Variants in ZFPM2 observed in about 807,000 individuals in gnomAD.
The protein encoded by ZFPM2 is zinc finger protein ZFPM2.
A neutral mutation model predicts 98.6 loss-of-function variants in ZFPM2; 20 were observed. The ratio of observed to expected loss-of-function variants is 0.20; its 90% CI spans 0.14 to 0.29. ZFPM2 has a LOEUF of 0.29. ZFPM2 is among the 10% of genes least tolerant of loss of function. The pLI is 1.00. For missense variants in ZFPM2, 1,310 were observed against 1,388.6 expected, an observed-to-expected ratio of 0.94 and a Z score of 0.90; for synonymous variants, 518 against 502.7, an observed-to-expected ratio of 1.03 and a Z score of -0.41.
chr8:105,587,093 G>A (rs1197698223), intron 4 of ZFPM2, among the ~76,000 whole-genome samples: 4 of 151,124 alleles, frequency 2.6e-5, no homozygotes, highest in Admixed American at 6.6e-5. Flanking sequence ...TGGCTAACAC[G>A]GTGAAACCCC....
At chr8:105,375,432 A>G (rs1301119536) in intron 1 of ZFPM2, among the ~76,000 whole-genome samples, 2 of 152,148 alleles carry the variant, frequency 1.3e-5, no homozygotes, top group Non-Finnish European at 2.9e-5. Flanking sequence ...GGAGAAAAGG[A>G]GAGGGAAGTG....
chr8:105,484,353 T>C (rs1813187024), intron 3 of ZFPM2, among the ~76,000 whole-genome samples: 1 of 152,096 alleles, frequency 6.6e-6, no homozygotes, highest in African/African-American at 2.4e-5. Flanking sequence ...TTAAGTCTAA[T>C]CAATTTTTCC....
chr8:105,336,364 T>G (rs1334495481), intron 1 of ZFPM2, among the ~76,000 whole-genome samples: 1 of 151,766 alleles, frequency 6.6e-6, no homozygotes, highest in African/African-American at 2.4e-5. Context: ...ATTATTAGTA[T>G]TTTTGAGGTC....
At chr8:105,795,246 T>TCGTG (rs1554582313) in intron 6 of ZFPM2, among the ~76,000 whole-genome samples, 2,815 of 138,308 alleles carry the variant, frequency 0.02, 40 homozygotes, top group Non-Finnish European at 0.027. Flanking sequence ...CATTTTATCT[T>TCGTG]TGTGTGTGTG....
intron 1 of ZFPM2, among the ~76,000 whole-genome samples, chr8:105,373,660 C>G (rs2129827738): frequency 6.6e-6 from 1 of 152,214 alleles, no homozygotes; most frequent in South Asian, 2.1e-4. Context: ...TAATGCCTAA[C>G]TGCATATTCA....
chr8:105,480,028 G>C (rs1310676691), intron 3 of ZFPM2, among the ~76,000 whole-genome samples: 1 of 152,188 alleles, frequency 6.6e-6, no homozygotes, highest in Non-Finnish European at 1.5e-5. Context: ...AATAGTGGTA[G>C]GTAACCACTA....
chr8:105,406,372 C>T (rs1320838992), intron 1 of ZFPM2, among the ~76,000 whole-genome samples: 1 of 151,962 alleles, frequency 6.6e-6, no homozygotes, highest in Non-Finnish European at 1.5e-5. Flanking sequence ...GGAAAGGATT[C>T]CCTATTTAAT....
At chr8:105,491,010 A>T (rs1048341990) in intron 3 of ZFPM2, among the ~76,000 whole-genome samples, 12 of 152,164 alleles carry the variant, frequency 7.9e-5, no homozygotes, top group Non-Finnish European at 1.6e-4. Flanking sequence ...ACTCTTCTTG[A>T]TATTATGCAA....
intron 1 of ZFPM2, among the ~76,000 whole-genome samples, chr8:105,327,264 C>T (rs1333982058): frequency 2.6e-5 from 4 of 151,398 alleles, no homozygotes; most frequent in Non-Finnish European, 4.4e-5. Context: ...TTTTATTTTT[C>T]ACAAAATTTG....
chr8:105,544,265 C>G (rs1349318), intron 3 of ZFPM2, among the ~76,000 whole-genome samples: 17,751 of 152,062 alleles, frequency 0.12, 1,139 homozygotes, highest in South Asian at 0.17. Flanking sequence ...GAAGATTTGT[C>G]ACCTTTATTT....
At chr8:105,710,089 A>T (rs1156970034) in intron 5 of ZFPM2, among the ~76,000 whole-genome samples, 3 of 146,554 alleles carry the variant, frequency 2.0e-5, no homozygotes, top group African/African-American at 7.4e-5. Flanking sequence ...ATTTAGTCTG[A>T]TCCTTTTTTT....
intron 5 of ZFPM2, among the ~76,000 whole-genome samples, chr8:105,775,167 G>A (rs1043057485): frequency 6.6e-6 from 1 of 151,888 alleles, no homozygotes; most frequent in Non-Finnish European, 1.5e-5. Flanking sequence ...CTTGGTGCTT[G>A]GGGGGTTTTC....
chr8:105,599,127 G>GA (rs1038503849), intron 4 of ZFPM2, among the ~76,000 whole-genome samples: 1 of 151,902 alleles, frequency 6.6e-6, no homozygotes, highest in African/African-American at 2.4e-5. Flanking sequence ...CTGAACCTAA[G>GA]AAAAAAATTA....
At chr8:105,522,193 AAAG>A (rs1361479294) in intron 3 of ZFPM2, among the ~76,000 whole-genome samples, 1 of 152,234 alleles carries the variant, frequency 6.6e-6, no homozygotes, top group African/African-American at 2.4e-5. Context: ...GCTTCTGGTG[AAAG>A]AAGTGGAATA....
intron 1 of ZFPM2, among the ~76,000 whole-genome samples, chr8:105,396,949 A>G (rs1408540608): frequency 3.3e-5 from 5 of 152,338 alleles, no homozygotes; most frequent in Admixed American, 6.5e-5. Context: ...GTAATTTTCC[A>G]TTGAATTTCT....
rs117991619 is a variant in ZFPM2 at position 105,734,322 on chromosome 8, G to A, written c.533-54396G>A. 6.0e-3 allele frequency among the ~76,000 whole-genome samples: 917 copies of A among 151,882 alleles called. 1 individual carries two copies. The highest frequency in any genetic ancestry group is 0.011 in the Non-Finnish European group (716 of 67,890). On this transcript the variant is annotated intron_variant, in intron 5 of 7. Transcript: ENST00000407775. Reference sequence around the variant, plus strand: ...AAGTAGTATTTATAAGTAGTTTTACGTATCTTTTTATAAGCAAAGAATACT... The same window carrying A: ...AAGTAGTATTTATAAGTAGTTTTACATATCTTTTTATAAGCAAAGAATACT...
chr8:105,405,197 C>T (rs1400347856), intron 1 of ZFPM2, among the ~76,000 whole-genome samples: 3 of 151,998 alleles, frequency 2.0e-5, no homozygotes, highest in African/African-American at 7.2e-5. Context: ...GCAAAGTAGA[C>T]ATAAAATATG....
intron 3 of ZFPM2, among the ~76,000 whole-genome samples, chr8:105,466,529 C>T (rs1175183301): frequency 2.0e-5 from 3 of 152,056 alleles, no homozygotes; most frequent in Admixed American, 6.6e-5. Flanking sequence ...CCTTATTGTG[C>T]CTTTTAATTT....
chr8:105,678,966 T>G (rs1166074046), intron 5 of ZFPM2: 4 of 152,212 alleles, frequency 2.6e-5, no homozygotes, highest in Non-Finnish European at 5.9e-5. Context: ...ATGGCTGAGT[T>G]TGGAGTCACA....
Sources: gnomAD v4.1 joint callset for allele counts (sites outside exome capture counted in the v4.1 genomes callset) on GRCh38, gnomAD v4.1.1 for gene constraint, MANE v1.5 for transcripts, NCBI Gene and HGNC (gene_info 2026-07-23, HGNC 2026-07-21) for gene names.